LYPD4: variants seen among roughly 807,000 people sequenced by gnomAD.
LYPD4 encodes the protein ly6/PLAUR domain-containing protein 4.
In LYPD4, 20 loss-of-function variants were observed where a neutral mutation model predicts 18.2. The ratio of observed to expected loss-of-function variants is 1.10; its 90% CI spans 0.77 to 1.59. The LOEUF is 1.59. Among genes scored for constraint, LYPD4 ranks in the 40% most tolerant of loss-of-function variants. LYPD4 has a pLI of 0.00. For synonymous variants in LYPD4, 111 were observed against 118.3 expected (o/e 0.94, Z 0.40); for missense variants, 278 against 300.3 (o/e 0.93, Z 0.55).
At chr19:41,844,744 A>G (rs1032004555), upstream of LYPD4, 15 of 152,424 alleles carry the variant, frequency 9.8e-5, no homozygotes, top group Non-Finnish European at 1.0e-4. Context: ...CCTCGGTCCA[A>G]TAAGGGGTAC....
chr19:41,836,344 A>AAAATAATC, downstream of LYPD4, among the ~76,000 whole-genome samples: 1 of 147,890 alleles, frequency 6.8e-6, no homozygotes, highest in Non-Finnish European at 1.5e-5. Context: ...CTGAGCAGAT[A>AAAATAATC]AAATAATCTC....
At chr19:41,839,103 C>T (rs1178768688) in intron 2 of LYPD4, 79 bp from the exon 3 acceptor site, 2 of 1,608,870 alleles carry the variant, frequency 1.2e-6, no homozygotes, top group East Asian at 4.5e-5. Flanking sequence ...AAGAGTTCAG[C>T]CCCCACAGGT....
At chr19:41,843,548 C>T (rs2073722372) in intron 1 of LYPD4, 30 bp downstream of exon 1, 1 of 151,872 alleles carries the variant, frequency 6.6e-6, no homozygotes, top group South Asian at 2.1e-4. Flanking sequence ...CGACCACACC[C>T]CACCCCACCC....
rs1555830622 is a variant in LYPD4 at position 41,837,161 on chromosome 19, C to T, written c.723G>A (p.Leu241=). 1 of 1,613,952 alleles carries T rather than the reference C, an allele frequency of 6.2e-7. No homozygotes were observed. The highest frequency in any genetic ancestry group is 8.5e-7 in the Non-Finnish European group (1 of 1,179,864). ...TAGATGGTCAGTCCCTGAAGGCAAA[C>T]AGGAGGCCTAAGACGACACCCCAAG... ...DPAWGVVLGL[L]FAFRD The change falls in exon 5 of 5, where the codon CTG becomes CTA. Residue 241 remains leucine (L), a synonymous_variant. Coordinates refer to ENST00000609812, the MANE Select transcript of LYPD4 (RefSeq NM_173506.7).
At chr19:41,835,611 A>G, downstream of LYPD4, 2 of 171,966 alleles carry the variant, frequency 1.2e-5, no homozygotes, top group Non-Finnish European at 2.3e-5. Context: ...TATGACCTAA[A>G]GCCTCTTGTC....
At chr19:41,836,023 A>G (rs2073366554), downstream of LYPD4, 1 of 159,440 alleles carries the variant, frequency 6.3e-6, no homozygotes, top group Admixed American at 6.6e-5. Flanking sequence ...GAGCTCCCAC[A>G]CATAAATGGC....
Position 41,837,966 on chromosome 19 carries a change from C to T in LYPD4, c.507G>A (p.Thr169=), listed in dbSNP as rs375253640. Residue 169 remains threonine (T), a synonymous_variant, in exon 4 of 5, where the codon ACG becomes ACA. Transcript: ENST00000609812. ...TTNSCPLAAS[T]CYSSTLKFQA... ...GAAATTTTAAGGTGGAACTGTAACACGTAGAAGCAGCCAAGGGGCAAGAAT... is the reference window on the plus strand; with the variant it reads ...GAAATTTTAAGGTGGAACTGTAACATGTAGAAGCAGCCAAGGGGCAAGAAT... 29 of 1,612,780 alleles carry T rather than the reference C, an allele frequency of 1.8e-5. No individual in the cohort carries two copies. The highest frequency in any genetic ancestry group is 1.1e-4 in the African/African-American group (8 of 74,880).
rs1555831411 is a variant in LYPD4, at chr19:41,838,187, C to A, written c.286G>T (p.Val96Phe). Residue 96 changes from valine (V) to phenylalanine (F), a missense_variant, in exon 4 of 5, where the codon GTT becomes TTT. Coordinates refer to ENST00000609812, the MANE Select transcript of LYPD4 (RefSeq NM_173506.7). Reference sequence around the variant, plus strand: ...GCAATGGACACTCCGGGTGGGGAAACAAGGTAGGAGATTTGCGCAGGGTAA... The same window carrying A: ...GCAATGGACACTCCGGGTGGGGAAAAAAGGTAGGAGATTTGCGCAGGGTAA... ...SSYPAQISYL[V>F]SPPGVSIASY... is the part of the protein sequence containing the mutation. 6.3e-7 allele frequency: 1 copy of A among 1,595,278 alleles called. No individual in the cohort carries two copies. The highest frequency in any genetic ancestry group is 2.2e-5 in the East Asian group (1 of 44,522).
At position 41,838,281 on chromosome 19, in the gene LYPD4, G is replaced by C. The variant is rs573786932; in HGVS notation, c.212-20C>G. On this transcript the variant is annotated intron_variant, in intron 3 of 4. Transcript: ENST00000609812. ...CAGTCCCTGAGGAGCAGAGGATTGAGAGAGCTCAGATCAGTGTCACTGGCC... is the reference window on the plus strand; with the variant it reads ...CAGTCCCTGAGGAGCAGAGGATTGACAGAGCTCAGATCAGTGTCACTGGCC... The C allele has an allele frequency of 1.2e-4, 188 of 1,511,290 alleles. No individual in the cohort carries two copies. The highest frequency in any genetic ancestry group is 1.5e-4 in the Non-Finnish European group (173 of 1,130,644). 93.6% of individuals were successfully genotyped at this position (1,511,290 alleles called of 1,614,324 possible).
At chr19:41,840,565 T>A (rs1555833061) in intron 1 of LYPD4, among the ~76,000 whole-genome samples, 1 of 151,906 alleles carries the variant, frequency 6.6e-6, no homozygotes, top group East Asian at 1.9e-4. Flanking sequence ...GGGCACAGTA[T>A]CTCCCGCCTG....
At chr19:41,838,746 AAAATATATATACATAT>A (rs2073465413) in intron 3 of LYPD4, 119 bp downstream of exon 3, 1 of 464,466 alleles carries the variant, frequency 2.2e-6, no homozygotes, top group African/African-American at 2.1e-5. Flanking sequence ...AAAATTAAAA[AAAATATATATACATAT>A]ATATATATAT....
At position 41,837,107 on chromosome 19, in the gene LYPD4, A is replaced by C; in HGVS notation, c.*36T>G. The C allele has an allele frequency of 6.2e-7, 1 of 1,612,644 alleles. No homozygotes were observed. Among genetic ancestry groups the C allele is most frequent in the African/African-American group, 1.3e-5 (1 of 74,960 alleles). ...ACTCTGCTATTTTATTTGTTATGTG[A>C]AAGAGTCTGGGTGCTTGTCGGGTGC... is the stretch of plus-strand genomic sequence containing the variant. On this transcript the variant is annotated 3_prime_UTR_variant, in exon 5 of 5. Transcript: ENST00000609812.
chr19:41,837,348 G>C lies in LYPD4; in HGVS notation c.539-3C>G. On this transcript the variant is annotated splice_region_variant and splice_polypyrimidine_tract_variant and intron_variant, in intron 4 of 4. Transcript: ENST00000609812. ...GAGGAAGGTGGTATTGAGAAACCCT[G>C]TAAGGAAGAGAGGGAGAAGTCAGGA... The C allele has an allele frequency of 3.7e-6, 6 of 1,613,912 alleles. No individual in the cohort carries two copies. Among genetic ancestry groups the C allele is most frequent in the Non-Finnish European group, 5.1e-6 (6 of 1,179,848 alleles).
At position 41,837,891 on chromosome 19, in the gene LYPD4, G is replaced by T. The variant is rs1555830995; in HGVS notation, c.538+44C>A. The stretch of plus-strand genomic sequence containing the variant: ...GATGTGAAGGTGCTGGACAATGCCT[G>T]GCAGAGAGTAGGCATTTGATAAACA... On this transcript the variant is annotated intron_variant, in intron 4 of 4. Coordinates refer to ENST00000609812, the MANE Select transcript of LYPD4 (RefSeq NM_173506.7). 2.6e-6 allele frequency: 4 copies of T among 1,528,074 alleles called. No individual in the cohort carries two copies. The East Asian group carries it at 6.8e-5, about 26-fold the overall frequency. 94.7% of individuals were successfully genotyped at this position (1,528,074 alleles called of 1,614,324 possible). A position where few individuals can be genotyped will look rare whatever the true frequency, so the allele number is the denominator to read the frequency against.
At chr19:41,838,353 C>A (rs2073447803) in intron 3 of LYPD4, 92 bp from the exon 4 acceptor site, 2 of 1,164,008 alleles carry the variant, frequency 1.7e-6, no homozygotes, top group Non-Finnish European at 1.2e-6. Flanking sequence ...ACCCACCCTG[C>A]CTGTCACAAT....
Position 41,839,279 on chromosome 19 carries a change from G to C in LYPD4, c.7C>G (p.Pro3Ala). 6.2e-7 allele frequency: 1 copy of C among 1,614,176 alleles called. No homozygotes were observed. The highest frequency in any genetic ancestry group is 8.5e-7 in the Non-Finnish European group (1 of 1,180,032). The part of the protein sequence containing the change: MG[P>A]QHLRLVQLFC... ...AGCTGCACAAGTCTCAAATGCTGGG[G>C]TCCCATGGCCCTGTGTCTGGGTCCT... Residue 3 changes from proline to alanine, a missense_variant, in exon 2 of 5, where the codon CCC becomes GCC. Physicochemically the swap from Pro to Ala is conservative, Grantham distance 27. Transcript: ENST00000609812.
downstream of LYPD4, chr19:41,835,921 C>T (rs181025589): frequency 7.9e-6 from 6 of 760,308 alleles, no homozygotes; most frequent in Admixed American, 6.3e-5. Flanking sequence ...TAAGGATGAA[C>T]GAGGTAATGC....
chr19:41,841,710 A>G (rs949707585), intron 1 of LYPD4, among the ~76,000 whole-genome samples: 2 of 151,992 alleles, frequency 1.3e-5, no homozygotes, highest in Non-Finnish European at 2.9e-5. Context: ...CAAACCCAGC[A>G]ATAACCAAGG....
chr19:41,835,687 C>A, downstream of LYPD4: 1 of 701,774 alleles, frequency 1.4e-6, no homozygotes, highest in Non-Finnish European at 1.8e-6. Context: ...TCCCAACCAC[C>A]CCTTCCAGAA....
Sources: allele counts gnomAD v4.1 joint callset (sites outside exome capture counted in the v4.1 genomes callset), GRCh38; gene constraint gnomAD v4.1.1; transcripts MANE v1.5; gene names NCBI Gene and HGNC (gene_info 2026-07-23, HGNC 2026-07-21).